Variants in R3HDM1 observed in about 807,000 individuals in gnomAD.
R3HDM1 encodes the protein R3H domain containing 1.
A neutral mutation model predicts 141.1 loss-of-function variants in R3HDM1; 46 were observed. That is an observed-to-expected ratio of 0.33 (90% CI 0.26 to 0.42). The LOEUF is 0.42. Ranked by LOEUF, R3HDM1 falls within the 10% of genes least tolerant of loss-of-function variation. The pLI is 1.00. For missense variants in R3HDM1, 1,184 were observed against 1,368.3 expected, an observed-to-expected ratio of 0.87 and a Z score of 2.12; for synonymous variants, 435 against 472.9, an observed-to-expected ratio of 0.92 and a Z score of 1.04.
chr2:135,706,937 C>T (rs1434628292), intron 21 of R3HDM1, among the ~76,000 whole-genome samples: 1 of 152,124 alleles, frequency 6.6e-6, no homozygotes, highest in East Asian at 1.9e-4. Flanking sequence ...GGGCTCCTCA[C>T]TTCCCAGTAG....
At chr2:135,581,455 T>C in intron 1 of R3HDM1, 1 of 935,180 alleles carries the variant, frequency 1.1e-6, no homozygotes, top group Middle Eastern at 5.5e-4. Context: ...TCACCATTGG[T>C]TGTGGACTGT....
chr2:135,573,530 C>CTT (rs564163824), intron 1 of R3HDM1, among the ~76,000 whole-genome samples: 2 of 137,978 alleles, frequency 1.4e-5, no homozygotes, highest in South Asian at 2.4e-4. Context: ...TCTGAAAATT[C>CTT]TTTTTTTTTT....
At chr2:135,557,106 A>C (rs1262930090) in intron 1 of R3HDM1, among the ~76,000 whole-genome samples, 1 of 152,132 alleles carries the variant, frequency 6.6e-6, no homozygotes, top group Non-Finnish European at 1.5e-5. Flanking sequence ...TTTCTTTCTT[A>C]ATCAGTGACT....
intron 23 of R3HDM1, among the ~76,000 whole-genome samples, chr2:135,713,764 G>T (rs1182013083): frequency 2.0e-5 from 3 of 152,110 alleles, no homozygotes; most frequent in Non-Finnish European, 4.4e-5. Flanking sequence ...GTACCAGATG[G>T]GTGTAGGCCA....
At chr2:135,694,374 T>G (rs1463735162) in intron 21 of R3HDM1, among the ~76,000 whole-genome samples, 1 of 152,212 alleles carries the variant, frequency 6.6e-6, no homozygotes, top group African/African-American at 2.4e-5. Flanking sequence ...GGGAGTGTGC[T>G]GACTTTGGCA....
intron 1 of R3HDM1, among the ~76,000 whole-genome samples, chr2:135,538,959 A>G (rs1369591142): frequency 6.6e-6 from 1 of 152,018 alleles, no homozygotes; most frequent in Admixed American, 6.6e-5. Flanking sequence ...TTTCCTTTAA[A>G]ATTTTTTGTT....
At chr2:135,644,114 G>C (rs910408652) in intron 15 of R3HDM1, among the ~76,000 whole-genome samples, 8 of 152,174 alleles carry the variant, frequency 5.3e-5, no homozygotes, top group African/African-American at 1.2e-4. Flanking sequence ...CACACACACA[G>C]AGATTATGGT....
At chr2:135,621,856 T>C in intron 6 of R3HDM1, 1 of 980,680 alleles carries the variant, frequency 1.0e-6, no homozygotes, top group Non-Finnish European at 1.2e-6. Context: ...TACTGGTCCC[T>C]CACTCATAGT....
chr2:135,633,369 G>C (rs2062907345), intron 9 of R3HDM1, among the ~76,000 whole-genome samples: 2 of 152,072 alleles, frequency 1.3e-5, no homozygotes, highest in Admixed American at 1.3e-4. Flanking sequence ...ACATTAGCAG[G>C]CATTTTGACT....
chr2:135,557,266 C>CT (rs924789832), intron 1 of R3HDM1, among the ~76,000 whole-genome samples: 22 of 151,216 alleles, frequency 1.5e-4, no homozygotes, highest in African/African-American at 3.9e-4. Context: ...ACTAATTTTA[C>CT]TTTTTTTTTC....
chr2:135,567,177 C>T (rs1329289403), intron 1 of R3HDM1, among the ~76,000 whole-genome samples: 2 of 152,054 alleles, frequency 1.3e-5, no homozygotes, highest in Non-Finnish European at 2.9e-5. Flanking sequence ...GAGCAGTATC[C>T]TACCAATCTG....
At chr2:135,684,003 C>G (rs2070833462) in intron 21 of R3HDM1, among the ~76,000 whole-genome samples, 1 of 134,908 alleles carries the variant, frequency 7.4e-6, no homozygotes, top group East Asian at 2.6e-4. Context: ...CATACATACT[C>G]AAGCACCTGG....
intron 24 of R3HDM1, among the ~76,000 whole-genome samples, chr2:135,719,453 G>A (rs1391429975): frequency 6.6e-6 from 1 of 151,690 alleles, no homozygotes; most frequent in African/African-American, 2.4e-5. Flanking sequence ...ACTCCAGCCT[G>A]TGTGACAGAG....
intron 21 of R3HDM1, among the ~76,000 whole-genome samples, 198 bp from the exon 22 acceptor site, chr2:135,709,235 G>A (rs537334223): frequency 7.5e-4 from 114 of 152,112 alleles, no homozygotes; most frequent in African/African-American, 2.5e-3. Context: ...CACCACGCCC[G>A]GCTAATTTCT....
chr2:135,574,411 G>T (rs1009064230), intron 1 of R3HDM1, among the ~76,000 whole-genome samples: 1 of 152,306 alleles, frequency 6.6e-6, no homozygotes, highest in East Asian at 1.9e-4. Context: ...AATTCTATCA[G>T]ACCTTCAAAG....
intron 21 of R3HDM1, among the ~76,000 whole-genome samples, chr2:135,684,257 A>AT (rs2070909394): frequency 1.3e-5 from 2 of 151,894 alleles, no homozygotes; most frequent in South Asian, 4.2e-4. Flanking sequence ...CGCCCGGCTA[A>AT]TTTTTGTATT....
At chr2:135,597,138 TCA>T in intron 1 of R3HDM1, 1 of 978,426 alleles carries the variant, frequency 1.0e-6, no homozygotes, top group Non-Finnish European at 1.2e-6. Flanking sequence ...TTATTCTCTC[TCA>T]TTCTTCAACT....
At chr2:135,708,529 TAGA>T (rs1344550485) in intron 21 of R3HDM1, among the ~76,000 whole-genome samples, 1 of 152,246 alleles carries the variant, frequency 6.6e-6, no homozygotes, top group Non-Finnish European at 1.5e-5. Flanking sequence ...AATAGAGTTT[TAGA>T]TATAAATTAT....
At chr2:135,609,612 A>C (rs1364607521) in intron 3 of R3HDM1, among the ~76,000 whole-genome samples, 1 of 152,188 alleles carries the variant, frequency 6.6e-6, no homozygotes, top group African/African-American at 2.4e-5. Context: ...GTATTTTGTT[A>C]GACTATGAGT....
Sources: gnomAD v4.1 joint callset for allele counts (sites outside exome capture counted in the v4.1 genomes callset) on GRCh38, gnomAD v4.1.1 for gene constraint, MANE v1.5 for transcripts, NCBI Gene and HGNC (gene_info 2026-07-23, HGNC 2026-07-21) for gene names.